EXOC1: variants seen among roughly 807,000 people sequenced by gnomAD.
EXOC1 encodes the protein SEC3-like 1.
A neutral mutation model predicts 107.7 loss-of-function variants in EXOC1; 67 were observed. The observed-to-expected ratio is 0.62, with a 90% CI of 0.51 to 0.76. The LOEUF (loss-of-function observed/expected upper bound fraction) is 0.76. Among genes scored for constraint, EXOC1 ranks in the 30% least tolerant of loss-of-function variants. EXOC1 has a pLI of 0.00. For synonymous variants in EXOC1, 348 were observed against 353.5 expected (o/e 0.98, Z 0.17); for missense variants, 833 against 1,055.7 (o/e 0.79, Z 2.92).
rs1385032513 is a variant in EXOC1, at chr4:55,868,364, T to TTTTTCCACTTGGAGAAAATCCAA, written c.444_445insTTTTCCACTTGGAGAAAATCCAA (p.Val149PhefsTer9). ...CTGTTCCAAGTGGAGAAAATCAGAG[T>TTTTTCCACTTGGAGAAAATCCAA]GTGACAGGAGGTGATGAAGAAGTAG... is the stretch of plus-strand genomic sequence containing the variant. On this transcript the variant is annotated frameshift_variant, in exon 5 of 19. Coordinates refer to ENST00000381295, the MANE Select transcript of EXOC1 (RefSeq NM_001024924.2). LOFTEE classifies it high-confidence loss of function. The TTTTTCCACTTGGAGAAAATCCAA allele has an allele frequency of 6.2e-7, 1 of 1,612,158 alleles. No individual in the cohort carries two copies. The highest frequency in any genetic ancestry group is 8.5e-7 in the Non-Finnish European group (1 of 1,178,968).
intron 5 of EXOC1, among the ~76,000 whole-genome samples, chr4:55,869,137 G>A (rs916279890): frequency 2.6e-5 from 4 of 152,004 alleles, no homozygotes; most frequent in African/African-American, 9.7e-5. Flanking sequence ...AGACTGAGGC[G>A]AGCAGATCAC....
intron 8 of EXOC1, chr4:55,877,660 G>A (rs866445431): frequency 1.1e-5 from 11 of 985,110 alleles, no homozygotes; most frequent in African/African-American, 8.7e-5. Context: ...TTTAAAAGAC[G>A]GAATGGGTAG....
At chr4:55,894,748 G>A (rs750330930) in intron 15 of EXOC1, among the ~76,000 whole-genome samples, 6 of 148,476 alleles carry the variant, frequency 4.0e-5, no homozygotes, top group East Asian at 4.0e-4. Flanking sequence ...TCAGCCTCCC[G>A]AGTAGCTGGG....
In EXOC1 at chr4:55,891,394, AG is replaced by A; in HGVS notation, c.1620del (p.Gln540HisfsTer39). On this transcript the variant is annotated frameshift_variant, in exon 13 of 19. Coordinates refer to ENST00000381295, the MANE Select transcript of EXOC1 (RefSeq NM_001024924.2). LOFTEE classifies it high-confidence loss of function. ...QDFISKFFKL[Q>X]QHQSMPGTMA... ...TTCATAAGTAAATTTTTCAAACTACAGCAACATCAAAGTATGCCTGGAACTA... is the reference window on the plus strand; with the variant it reads ...TTCATAAGTAAATTTTTCAAACTACACAACATCAAAGTATGCCTGGAACTA... 6.2e-7 allele frequency: 1 copy of A among 1,613,204 alleles called. No homozygotes were observed. Among genetic ancestry groups the A allele is most frequent in the East Asian group, 2.2e-5 (1 of 44,812 alleles).
At chr4:55,882,341 T>C (rs1486963064) in intron 9 of EXOC1, among the ~76,000 whole-genome samples, 3 of 152,152 alleles carry the variant, frequency 2.0e-5, no homozygotes, top group Admixed American at 6.5e-5. Flanking sequence ...GGTTTCACCA[T>C]GTTGCCCAGG....
chr4:55,861,632 A>G (rs1384072677), intron 3 of EXOC1, among the ~76,000 whole-genome samples: 1 of 152,238 alleles, frequency 6.6e-6, no homozygotes, highest in Non-Finnish European at 1.5e-5. Flanking sequence ...TAAGTATTCT[A>G]GGCTTACTGG....
At chr4:55,883,459 A>G (rs1292905075) in intron 9 of EXOC1, 1 of 164,910 alleles carries the variant, frequency 6.1e-6, no homozygotes. Flanking sequence ...TAATGGTGCT[A>G]CACCAACAAA....
chr4:55,864,264 A>G lies in EXOC1; in HGVS notation c.293A>G (p.Tyr98Cys), dbSNP rs371122349. The change falls in exon 4 of 19, where the codon TAT (tyrosine) becomes TGT (cysteine). Residue 98 changes from tyrosine to cysteine, a missense_variant. Physicochemically the swap from Tyr to Cys is radical, Grantham distance 194. This residue lies in a region of EXOC1 where 617 missense variants were observed against 701.3 expected (regional missense o/e 0.88). Coordinates refer to ENST00000381295, the MANE Select transcript of EXOC1 (RefSeq NM_001024924.2). ...TTTGATTTACACTTTGAAAAAATAT[A>G]TAAATGGGTTGCCAGCAGCACTGCT... ...PEFDLHFEKI[Y>C]KWVASSTAEK... is the part of the protein sequence containing the mutation. The G allele has an allele frequency of 7.5e-6, 12 of 1,597,752 alleles. No homozygotes were observed. The highest frequency in any genetic ancestry group is 2.2e-5 in the East Asian group (1 of 44,560).
chr4:55,887,732 A>G (rs1317895056), intron 10 of EXOC1, among the ~76,000 whole-genome samples: 1 of 151,980 alleles, frequency 6.6e-6, no homozygotes, highest in African/African-American at 2.4e-5. Context: ...CCTCAAAAAA[A>G]AAAAAAAAAG....
chr4:55,886,957 T>G (rs1288591012), intron 10 of EXOC1, among the ~76,000 whole-genome samples: 1 of 152,182 alleles, frequency 6.6e-6, no homozygotes, highest in African/African-American at 2.4e-5. Flanking sequence ...GGGAAGTAGC[T>G]TTTCTTTGTG....
chr4:55,888,920 C>G lies in EXOC1; in HGVS notation c.1363C>G (p.Gln455Glu), dbSNP rs1424936626. The change falls in exon 11 of 19, where the codon CAG (glutamine) becomes GAG (glutamate). Residue 455 changes from glutamine to glutamate, a missense_variant. Physicochemically the swap from Gln to Glu is conservative, Grantham distance 29. Around this residue, in one of 2 missense-constraint regions of EXOC1, gnomAD observed 617 missense variants for 701.3 expected, o/e 0.88. Coordinates refer to ENST00000381295, the MANE Select transcript of EXOC1 (RefSeq NM_001024924.2). ...GCCTCGAAAAGAAAGTGCTGTCAAACAGGAAACAGAGAGTGAGTATGCTTA... is the reference window on the plus strand; with the variant it reads ...GCCTCGAAAAGAAAGTGCTGTCAAAGAGGAAACAGAGAGTGAGTATGCTTA... ...TLPRKESAVK[Q>E]ETESLHGSSG... 1 of 1,613,570 alleles carries G rather than the reference C, an allele frequency of 6.2e-7. No homozygotes were observed.
At chr4:55,872,028 C>A in intron 8 of EXOC1, 70 bp downstream of exon 8, 1 of 1,347,248 alleles carries the variant, frequency 7.4e-7, no homozygotes, top group Non-Finnish European at 1.0e-6. Flanking sequence ...TACATTTCCA[C>A]AAAAATGTTA....
At chr4:55,881,564 G>A (rs919661430) in intron 9 of EXOC1, among the ~76,000 whole-genome samples, 4 of 152,096 alleles carry the variant, frequency 2.6e-5, no homozygotes, top group Admixed American at 6.5e-5. Flanking sequence ...GACATGGGAC[G>A]TCAATCAGTA....
chr4:55,902,133 GTATT>G, intron 17 of EXOC1: 1 of 346,650 alleles, frequency 2.9e-6, no homozygotes, highest in African/African-American at 2.1e-5. Flanking sequence ...TCTCCTGTAT[GTATT>G]CACACATCAA....
intron 3 of EXOC1, 22 bp from the exon 4 acceptor site, chr4:55,864,205 C>T: frequency 7.1e-7 from 1 of 1,405,278 alleles, no homozygotes; most frequent in Non-Finnish European, 9.7e-7. Context: ...AAAATAATAT[C>T]TTTTGTATAT....
At chr4:55,867,274 T>C (rs1722040131) in intron 4 of EXOC1, among the ~76,000 whole-genome samples, 1 of 152,200 alleles carries the variant, frequency 6.6e-6, no homozygotes, top group Admixed American at 6.5e-5. Flanking sequence ...AAAGAACTTA[T>C]ATACTAAAAT....
intron 9 of EXOC1, 131 bp from the exon 10 acceptor site, chr4:55,883,692 A>G (rs569185904): frequency 5.9e-6 from 3 of 508,816 alleles, no homozygotes; most frequent in African/African-American, 4.0e-5. Context: ...ACCTATTTTT[A>G]TATCCTGTGA....
At chr4:55,888,263 T>C (rs1724119384) in intron 10 of EXOC1, among the ~76,000 whole-genome samples, 1 of 152,202 alleles carries the variant, frequency 6.6e-6, no homozygotes, top group Non-Finnish European at 1.5e-5. Context: ...AACTTTACCC[T>C]TTTATTCATA....
intron 3 of EXOC1, among the ~76,000 whole-genome samples, chr4:55,862,778 A>G (rs949698605): frequency 2.0e-5 from 3 of 152,160 alleles, no homozygotes; most frequent in African/African-American, 7.2e-5. Context: ...TTTCCCCCAA[A>G]TAACACTTTA....
Sources: gnomAD v4.1 joint callset for allele counts (sites outside exome capture counted in the v4.1 genomes callset) on GRCh38, gnomAD v4.1.1 for gene constraint, gnomAD v4.1.1 regional missense constraint, MANE v1.5 for transcripts, NCBI Gene and HGNC (gene_info 2026-07-23, HGNC 2026-07-21) for gene names.